Variants in HNF4G observed in about 807,000 individuals in gnomAD.
HNF4G encodes the protein hepatocyte nuclear factor 4 gamma, also known as hepatocyte nuclear factor 4-gamma.
In HNF4G, 21 loss-of-function variants were observed where a neutral mutation model predicts 50.9. The observed-to-expected ratio is 0.41, with a 90% confidence interval of 0.29 to 0.59. HNF4G has a LOEUF of 0.59. Among genes scored for constraint, HNF4G ranks in the 20% least tolerant of loss-of-function variants. The pLI, the probability that HNF4G is intolerant of heterozygous loss-of-function variation, is 0.26. For synonymous variants in HNF4G, 198 were observed against 185.6 expected (o/e 1.07, Z -0.54); for missense variants, 527 against 559.4 (o/e 0.94, Z 0.58).
chr8:75,514,350 CTTTCT>C (rs1281598138), intron 2 of HNF4G, among the ~76,000 whole-genome samples: 2 of 66,300 alleles, frequency 3.0e-5, no homozygotes, highest in African/African-American at 1.7e-4. Flanking sequence ...TTTCTTTCTT[CTTTCT>C]TTTTTTTTTT....
intron 1 of HNF4G, among the ~76,000 whole-genome samples, chr8:75,420,442 C>T (rs531689299): frequency 3.3e-5 from 5 of 152,314 alleles, no homozygotes; most frequent in South Asian, 4.1e-4. Context: ...TTTGACGTTC[C>T]GGCCTCAGCC....
At chr8:75,419,298 C>T (rs976731096) in intron 1 of HNF4G, among the ~76,000 whole-genome samples, 5 of 152,136 alleles carry the variant, frequency 3.3e-5, no homozygotes, top group African/African-American at 4.8e-5. Flanking sequence ...GTACTCTGCT[C>T]GGTTCAGGTC....
At chr8:75,408,834 C>G (rs1240309213) in intron 1 of HNF4G, among the ~76,000 whole-genome samples, 3 of 152,196 alleles carry the variant, frequency 2.0e-5, no homozygotes, top group Non-Finnish European at 4.4e-5. Context: ...TCCAGAAGCT[C>G]AAAAGTGAAT....
At chr8:75,537,560 T>G (rs1436059361), upstream of HNF4G, among the ~76,000 whole-genome samples, 2 of 151,860 alleles carry the variant, frequency 1.3e-5, no homozygotes, top group African/African-American at 4.8e-5. Context: ...GACTTTTTTT[T>G]TCCTCCACTA....
chr8:75,479,209 A>C (rs1812314831), intron 1 of HNF4G, among the ~76,000 whole-genome samples: 1 of 152,196 alleles, frequency 6.6e-6, no homozygotes, highest in Admixed American at 6.5e-5. Flanking sequence ...TTTGCTCATC[A>C]ATAGAGGCAA....
rs1806358786 is a variant in HNF4G at position 75,532,609 on chromosome 8, G to A, written c.-23-11202G>A. Among the ~76,000 whole-genome samples the A allele has an allele frequency of 3.9e-5, 6 of 152,154 alleles. No homozygotes were observed. The South Asian group carries it at 1.2e-3, about 32-fold the overall frequency. On this transcript the variant is annotated intron_variant, in intron 2 of 10. Transcript: ENST00000354370. ...AAGAGAAGAATGTTCTTTGTGCTCT[G>A]GAAAGTCAGCATTGGTAACATGAGG... is the stretch of plus-strand genomic sequence containing the variant.
chr8:75,458,240 G>C (rs893038145), intron 1 of HNF4G, among the ~76,000 whole-genome samples: 4 of 151,958 alleles, frequency 2.6e-5, no homozygotes, highest in Non-Finnish European at 5.9e-5. Context: ...TAAGGAAATA[G>C]ATAAGAGAGG....
upstream of HNF4G, among the ~76,000 whole-genome samples, chr8:75,534,891 G>A (rs1456122806): frequency 6.6e-6 from 1 of 151,700 alleles, no homozygotes; most frequent in Non-Finnish European, 1.5e-5. Context: ...TGTAAGCAAA[G>A]CTATAGAAGT....
intron 2 of HNF4G, among the ~76,000 whole-genome samples, chr8:75,501,919 C>T (rs1812938123): frequency 7.0e-6 from 1 of 143,794 alleles, no homozygotes; most frequent in Non-Finnish European, 1.5e-5. Context: ...GTGGCGCAAT[C>T]TCGGCTCACT....
At chr8:75,453,143 G>A (rs1222902393) in intron 1 of HNF4G, among the ~76,000 whole-genome samples, 1 of 152,210 alleles carries the variant, frequency 6.6e-6, no homozygotes, top group African/African-American at 2.4e-5. Flanking sequence ...GCATATGCCT[G>A]TGCTGTTCCT....
chr8:75,448,571 G>T (rs7005019), intron 1 of HNF4G, among the ~76,000 whole-genome samples: 11,179 of 149,344 alleles, frequency 0.075, 486 homozygotes, highest in South Asian at 0.089. Context: ...TATGATGTAA[G>T]TATAATATGT....
chr8:75,470,281 T>C (rs1241423511), intron 1 of HNF4G, among the ~76,000 whole-genome samples: 1 of 152,220 alleles, frequency 6.6e-6, no homozygotes, highest in Non-Finnish European at 1.5e-5. Context: ...AAGATCCTCA[T>C]AAAAATCAGA....
At chr8:75,515,447 G>T (rs1805864036) in intron 2 of HNF4G, among the ~76,000 whole-genome samples, 2 of 152,006 alleles carry the variant, frequency 1.3e-5, no homozygotes, top group African/African-American at 4.8e-5. Flanking sequence ...ATAGAAATTG[G>T]CTCACATGAT....
At chr8:75,412,715 T>C (rs929227349) in intron 1 of HNF4G, among the ~76,000 whole-genome samples, 2 of 150,542 alleles carry the variant, frequency 1.3e-5, no homozygotes, top group African/African-American at 4.9e-5. Context: ...GACTGTGTTT[T>C]AGAATTTTTT....
chr8:75,413,058 G>A (rs1739142450), intron 1 of HNF4G, among the ~76,000 whole-genome samples: 1 of 151,728 alleles, frequency 6.6e-6, no homozygotes, highest in South Asian at 2.1e-4. Context: ...AAGTATTTGG[G>A]GCAGAGGAGA....
chr8:75,554,199 T>C (rs550967837), intron 5 of HNF4G, among the ~76,000 whole-genome samples: 1 of 152,272 alleles, frequency 6.6e-6, no homozygotes, highest in South Asian at 2.1e-4. Flanking sequence ...CTCAGAAGGT[T>C]ATGCCAGTGA....
intron 5 of HNF4G, among the ~76,000 whole-genome samples, chr8:75,554,938 A>G (rs948949552): frequency 2.0e-4 from 31 of 152,190 alleles, no homozygotes; most frequent in African/African-American, 6.8e-4. Flanking sequence ...AGCACTCCAG[A>G]TACAGGAACA....
Position 75,562,852 on chromosome 8 carries a change from A to C in HNF4G, c.1247-1123A>C, listed in dbSNP as rs982852643. ...TTAAACACAACCAAAATTTAAATTC[A>C]TGCATATTTTCTTGGTCTTTTAGAG... On this transcript the variant is annotated intron_variant, in intron 9 of 9. Transcript: ENST00000396423. 7.7e-4 allele frequency among the ~76,000 whole-genome samples: 117 copies of C among 152,166 alleles called. 1 individual carries two copies. The highest frequency in any genetic ancestry group is 1.0e-3 in the Non-Finnish European group (68 of 67,984).
chr8:75,450,037 A>G (rs1034327687), intron 1 of HNF4G, among the ~76,000 whole-genome samples: 2 of 152,170 alleles, frequency 1.3e-5, no homozygotes, highest in African/African-American at 4.8e-5. Context: ...GCCTCTGGTA[A>G]TCACCATTTT....
Sources: gnomAD v4.1 joint callset for allele counts (sites outside exome capture counted in the v4.1 genomes callset) on GRCh38, gnomAD v4.1.1 for gene constraint, MANE v1.5 for transcripts, NCBI Gene and HGNC (gene_info 2026-07-23, HGNC 2026-07-21) for gene names.